Variants in CCN4 observed in about 807,000 individuals in gnomAD.
The protein encoded by CCN4 is cellular communication network factor 4, also known as CCN family member 4.
A neutral mutation model predicts 36.7 loss-of-function variants in CCN4; 30 were observed. The ratio of observed to expected loss-of-function variants is 0.82; its 90% CI spans 0.61 to 1.11. The LOEUF is 1.11. Among genes scored for constraint, CCN4 ranks in the 50% least tolerant of loss-of-function variants. The pLI is 0.00. For synonymous variants in CCN4, 191 were observed against 195.4 expected, an observed-to-expected ratio of 0.98 and a Z score of 0.19; for missense variants, 505 against 504.9, an observed-to-expected ratio of 1.00 and a Z score of 0.00.
chr8:133,200,610 G>T (rs927994721), intron 1 of CCN4, among the ~76,000 whole-genome samples: 4 of 152,212 alleles, frequency 2.6e-5, no homozygotes, highest in Admixed American at 6.5e-5. Flanking sequence ...GCTGGAGGAG[G>T]ATAGGACCTG....
intron 1 of CCN4, among the ~76,000 whole-genome samples, chr8:133,211,831 C>T (rs1173201675): frequency 2.0e-5 from 3 of 152,218 alleles, no homozygotes; most frequent in African/African-American, 7.2e-5. Context: ...CCTGTGTCCT[C>T]AGGCGATTCT....
intron 1 of CCN4, among the ~76,000 whole-genome samples, chr8:133,196,575 A>C (rs184202848): frequency 6.6e-6 from 1 of 152,174 alleles, no homozygotes; most frequent in Non-Finnish European, 1.5e-5. Flanking sequence ...TAAGGCTATG[A>C]TAACAGGTAG....
At chr8:133,197,109 G>GTGC (rs1491562410) in intron 1 of CCN4, among the ~76,000 whole-genome samples, 1 of 152,108 alleles carries the variant, frequency 6.6e-6, no homozygotes, top group Non-Finnish European at 1.5e-5. Context: ...GGTGGTGGTG[G>GTGC]TGGTGGTGCC....
chr8:133,220,159 G>A (rs969673024), intron 2 of CCN4, among the ~76,000 whole-genome samples: 3 of 152,114 alleles, frequency 2.0e-5, no homozygotes, highest in African/African-American at 7.2e-5. Flanking sequence ...GAATGTGTAT[G>A]GAATGAATGG....
At chr8:133,227,167 C>G (rs1854766905) in intron 4 of CCN4, among the ~76,000 whole-genome samples, 2 of 152,158 alleles carry the variant, frequency 1.3e-5, no homozygotes, top group South Asian at 4.2e-4. Context: ...AAAAGAGAAA[C>G]TGCAGGCTGT....
intron 1 of CCN4, among the ~76,000 whole-genome samples, chr8:133,192,057 TG>T (rs1853134257): frequency 6.6e-6 from 1 of 151,818 alleles, no homozygotes; most frequent in Non-Finnish European, 1.5e-5. Flanking sequence ...GGGCAGGAGG[TG>T]GGTACCTGGC....
chr8:133,226,743 C>T (rs1052998044), intron 4 of CCN4, among the ~76,000 whole-genome samples: 1 of 152,136 alleles, frequency 6.6e-6, no homozygotes, highest in Non-Finnish European at 1.5e-5. Flanking sequence ...ATTGGGCAAG[C>T]TTCATGCCGC....
Position 133,227,781 on chromosome 8 carries a change from C to T in CCN4, c.*71C>T. The T allele has an allele frequency of 2.0e-6, 3 of 1,519,662 alleles. 1 individual carries two copies. Among genetic ancestry groups the T allele is most frequent in the South Asian group, 2.6e-5 (2 of 77,630 alleles). The allele number at this position is 1,519,662 out of a possible 1,614,324, so 94.1% of individuals were successfully genotyped here. ...AGCAGTCAGCCCTTATGGCCAATAA[C>T]TTTTCACCAATGAGCCTTAGTTACC... On this transcript the variant is annotated 3_prime_UTR_variant, in exon 5 of 5. Transcript: ENST00000250160.
intron 2 of CCN4, 104 bp downstream of exon 2, chr8:133,213,247 T>C: frequency 1.4e-6 from 2 of 1,392,572 alleles, no homozygotes; most frequent in Non-Finnish European, 2.0e-6. Flanking sequence ...CTGGCCAGGC[T>C]TCCGTTCAGC....
Position 133,231,649 on chromosome 8 carries a change from T to G in CCN4, c.*3939T>G, listed in dbSNP as rs1016519893. The G allele has an allele frequency of 6.6e-6, 1 of 152,218 alleles. No homozygotes were observed. The highest frequency in any genetic ancestry group is 1.5e-5 in the Non-Finnish European group (1 of 68,046). 9.4% of individuals were successfully genotyped at this position (152,218 alleles called of 1,614,324 possible). ...ACAGGCAGTTGTTATGAGACAATGA[T>G]GGAGCATTGAGCATGTTCAATAAAT... On this transcript the variant is annotated 3_prime_UTR_variant, in exon 5 of 5. Transcript: ENST00000250160.
At chr8:133,211,477 C>A (rs746094780) in intron 1 of CCN4, among the ~76,000 whole-genome samples, 1 of 152,218 alleles carries the variant, frequency 6.6e-6, no homozygotes. Flanking sequence ...GCATCTTGGC[C>A]TTGCTGTGAA....
chr8:133,213,260 G>A, intron 2 of CCN4, 117 bp downstream of exon 2: 1 of 1,276,364 alleles, frequency 7.8e-7, no homozygotes, highest in Non-Finnish European at 1.1e-6. Flanking sequence ...CGTTCAGCAG[G>A]AGATACACCC....
At chr8:133,223,331 C>T (rs1854602013) in intron 3 of CCN4, among the ~76,000 whole-genome samples, 1 of 152,074 alleles carries the variant, frequency 6.6e-6, no homozygotes, top group Non-Finnish European at 1.5e-5. Flanking sequence ...GCCTCTTTAT[C>T]CTCCTGGGCA....
chr8:133,207,847 T>A (rs1456030996), intron 1 of CCN4, among the ~76,000 whole-genome samples: 2 of 152,202 alleles, frequency 1.3e-5, no homozygotes, highest in South Asian at 2.1e-4. Flanking sequence ...TTCACTCATG[T>A]ATTCACCCTA....
At chr8:133,193,652 A>AATTCCCATAACAATATTATTTAGC (rs1853195944) in intron 1 of CCN4, among the ~76,000 whole-genome samples, 1 of 152,236 alleles carries the variant, frequency 6.6e-6, no homozygotes, top group Non-Finnish European at 1.5e-5. Flanking sequence ...CACATTCTAC[A>AATTCCCATAACAATATTATTTAGC]ATTCCCATAA....
chr8:133,210,743 C>T (rs995085018), intron 1 of CCN4, among the ~76,000 whole-genome samples: 2 of 152,206 alleles, frequency 1.3e-5, no homozygotes, highest in African/African-American at 2.4e-5. Context: ...GCCCTCACCC[C>T]ATGGAGTTCA....
chr8:133,201,726 C>T (rs1853592935), intron 1 of CCN4, among the ~76,000 whole-genome samples: 1 of 152,040 alleles, frequency 6.6e-6, no homozygotes, highest in South Asian at 2.1e-4. Context: ...ATCTGTAATC[C>T]CAGCTACTCG....
intron 2 of CCN4, 22 bp from the exon 3 acceptor site, chr8:133,220,559 G>A (rs1261500239): frequency 1.9e-6 from 3 of 1,604,340 alleles, no homozygotes; most frequent in Non-Finnish European, 2.6e-6. Context: ...CACTGGGCCT[G>A]ACCGGCCACC....
chr8:133,213,009 G>A lies in CCN4; in HGVS notation c.215G>A (p.Gly72Asp). 4 of 1,614,164 alleles carry A rather than the reference G, an allele frequency of 2.5e-6. No individual in the cohort carries two copies. Among genetic ancestry groups the A allele is most frequent in the Non-Finnish European group, 3.4e-6 (4 of 1,180,010 alleles). The change falls in exon 2 of 5, where the codon GGC (glycine) becomes GAC (aspartate). Residue 72 changes from glycine (G) to aspartate (D), a missense_variant. Gly to Asp is a moderately conservative substitution (Grantham distance 94). Transcript: ENST00000250160. ...CPLGVSLITD[G>D]CECCKMCAQQ... is the part of the protein sequence containing the mutation. ...CTGGGGGTCAGCCTCATCACAGATG[G>A]CTGTGAGTGCTGTAAGATGTGCGCT...
Sources: gnomAD v4.1 joint callset for allele counts (sites outside exome capture counted in the v4.1 genomes callset) on GRCh38, gnomAD v4.1.1 for gene constraint, MANE v1.5 for transcripts, NCBI Gene and HGNC (gene_info 2026-07-23, HGNC 2026-07-21) for gene names.